Variants in DDX5 observed in about 807,000 individuals in gnomAD.
DDX5 encodes probable ATP-dependent RNA helicase DDX5.
In DDX5, 6 loss-of-function variants were observed where a neutral mutation model predicts 68.6. That is an observed-to-expected ratio of 0.09 (90% CI 0.05 to 0.17). DDX5 has a LOEUF of 0.17. DDX5 is among the 10% of genes least tolerant of loss of function. DDX5 has a pLI of 1.00. For missense variants in DDX5, 499 were observed against 756.1 expected (o/e 0.66, Z 3.99); for synonymous variants, 350 against 247.0 (o/e 1.42, Z -3.91).
At chr17:64,503,402 G>A (rs2038346606) in intron 6 of DDX5, 28 bp downstream of exon 6, 3 of 1,613,946 alleles carry the variant, frequency 1.9e-6, no homozygotes, top group Non-Finnish European at 1.7e-6. Flanking sequence ...TAGCACCAAT[G>A]ACAAATAAAA....
chr17:64,506,278 A>C lies in DDX5; in HGVS notation c.-159T>G, dbSNP rs2038517326. ...AGCTGCACTACTAGAGACCGGTAGAAATGAATGAGGTGCCGGCCGCTTTCC... is the reference window on the plus strand; with the variant it reads ...AGCTGCACTACTAGAGACCGGTAGACATGAATGAGGTGCCGGCCGCTTTCC... On this transcript the variant is annotated 5_prime_UTR_variant, in exon 1 of 13. In the 5' UTR this introduces an upstream ATG that the reference lacks. Coordinates refer to ENST00000225792, the MANE Select transcript of DDX5 (RefSeq NM_004396.5). 1 of 1,534,026 alleles carries C rather than the reference A, an allele frequency of 6.5e-7. No individual in the cohort carries two copies. Among genetic ancestry groups the C allele is most frequent in the Non-Finnish European group, 8.8e-7 (1 of 1,140,296 alleles).
intron 6 of DDX5, 31 bp from the exon 7 acceptor site, chr17:64,503,379 T>C (rs1337746336): frequency 1.9e-6 from 3 of 1,613,880 alleles, no homozygotes; most frequent in African/African-American, 1.3e-5. Flanking sequence ...GTAACTACAA[T>C]ACCTAGGATA....
chr17:64,506,574 G>A (rs2038538258), upstream of DDX5: 9 of 336,548 alleles, frequency 2.7e-5, no homozygotes, highest in East Asian at 5.7e-5. Context: ...GCCCAGCCCC[G>A]CCCACCCTCG....
rs534646011 is a variant in DDX5, at chr17:64,498,511, G to A, written c.*1412C>T. 6.6e-6 allele frequency among the ~76,000 whole-genome samples: 1 copy of A among 152,154 alleles called. No homozygotes were observed. Among genetic ancestry groups the A allele is most frequent in the Non-Finnish European group, 1.5e-5 (1 of 68,026 alleles). ...TAAAACCATGAATTTGACTAACCAT[G>A]CCATTGAAAACCATCCAGGTTACTA... On this transcript the variant is annotated 3_prime_UTR_variant, in exon 13 of 13. Coordinates refer to ENST00000225792, the MANE Select transcript of DDX5 (RefSeq NM_004396.5).
At chr17:64,505,852 TC>T in intron 1 of DDX5, 1 of 1,535,790 alleles carries the variant, frequency 6.5e-7, no homozygotes, top group Middle Eastern at 1.7e-4. Context: ...CCCCGACAGC[TC>T]CCCAATCCCC....
Position 64,500,679 on chromosome 17 carries a change from T to A in DDX5, c.1311A>T (p.Lys437Asn). ...TAAAGAAAGTGTATGCTGTGCCTGT[T>A]TTGGTACTGCGAGCAGTTCTTCCAA... ...HRIGRTARST[K>N]TGTAYTFFTP... is the part of the protein sequence containing the mutation. Residue 437 changes from lysine (K) to asparagine (N), a missense_variant, in exon 12 of 13, where the codon AAA becomes AAT. Lys to Asn is a moderately conservative substitution (Grantham distance 94). This residue lies in a region of DDX5 where 26 missense variants were observed against 128.2 expected (regional missense o/e 0.20). Coordinates refer to ENST00000225792, the MANE Select transcript of DDX5 (RefSeq NM_004396.5). The A allele has an allele frequency of 6.2e-7, 1 of 1,614,204 alleles. No individual in the cohort carries two copies. The highest frequency in any genetic ancestry group is 8.5e-7 in the Non-Finnish European group (1 of 1,180,008).
At chr17:64,505,218 C>T (rs935704043) in intron 1 of DDX5, 19 of 255,538 alleles carry the variant, frequency 7.4e-5, no homozygotes, top group Middle Eastern at 1.3e-3. Context: ...GCTACATGAA[C>T]CGAAGAGCAT....
At chr17:64,506,696 G>A (rs117604948), upstream of DDX5, 15,163 of 389,156 alleles carry the variant, frequency 0.039, 488 homozygotes, top group Admixed American at 0.13. Flanking sequence ...CACCGAGAGA[G>A]CGGTCCGCAC....
chr17:64,499,384 C>T lies in DDX5; in HGVS notation c.*539G>A, dbSNP rs2038237141. 6.6e-6 allele frequency among the ~76,000 whole-genome samples: 1 copy of T among 152,078 alleles called. No homozygotes were observed. The highest frequency in any genetic ancestry group is 2.4e-5 in the African/African-American group (1 of 41,412). On this transcript the variant is annotated 3_prime_UTR_variant, in exon 13 of 13. Coordinates refer to ENST00000225792, the MANE Select transcript of DDX5 (RefSeq NM_004396.5). The stretch of plus-strand genomic sequence containing the variant: ...GCTGGAAGCTGACAAAGCTTTTATG[C>T]AATTTAGCCTGTAACTAAAAATTCA...
intron 1 of DDX5, chr17:64,505,801 GCTCC>G (rs1342663374): frequency 7.8e-6 from 12 of 1,536,090 alleles, no homozygotes; most frequent in African/African-American, 5.5e-5. Context: ...CGCACAATAC[GCTCC>G]CTCTCAACTC....
intron 8 of DDX5, 57 bp from the exon 9 acceptor site, chr17:64,502,606 C>T: frequency 7.9e-7 from 1 of 1,264,288 alleles, no homozygotes; most frequent in South Asian, 1.2e-5. Context: ...ATTGCTAGGG[C>T]CACACATTTA....
chr17:64,503,647 C>A (rs868957670), intron 5 of DDX5, 76 bp from the exon 6 acceptor site: 2 of 1,581,078 alleles, frequency 1.3e-6, no homozygotes, highest in Non-Finnish European at 1.7e-6. Context: ...ACTAGCAGAT[C>A]CTTTCTTCAT....
rs528288003 is a variant in DDX5, at chr17:64,498,813, C to T, written c.*1110G>A. On this transcript the variant is annotated 3_prime_UTR_variant, in exon 13 of 13. Coordinates refer to ENST00000225792, the MANE Select transcript of DDX5 (RefSeq NM_004396.5). ...AGCCGAAGTTAAACCTAAAGCTATC[C>T]CCTGGATCTTTCTAGCAATAAACCC... 1.4e-4 allele frequency among the ~76,000 whole-genome samples: 21 copies of T among 152,278 alleles called. No homozygotes were observed. The highest frequency in any genetic ancestry group is 7.7e-4 in the East Asian group (4 of 5,188).
chr17:64,506,521 T>C, upstream of DDX5: 1 of 703,420 alleles, frequency 1.4e-6, no homozygotes, highest in Non-Finnish European at 2.1e-6. Flanking sequence ...CACCTTCTTC[T>C]GGTCTTTCCA....
intron 12 of DDX5, 25 bp from the exon 13 acceptor site, chr17:64,500,351 G>C: frequency 6.3e-7 from 1 of 1,585,752 alleles, no homozygotes; most frequent in South Asian, 1.1e-5. Context: ...ATTGCAAATT[G>C]ATCAATTATG....
chr17:64,503,408 TAA>T lies in DDX5; in HGVS notation c.649+20_649+21del, dbSNP rs1199508357. 6.8e-6 allele frequency: 11 copies of T among 1,613,738 alleles called. No homozygotes were observed. The African/African-American group carries it at 1.1e-4, about 16-fold the overall frequency. On this transcript the variant is annotated intron_variant, in intron 6 of 12. Coordinates refer to ENST00000225792, the MANE Select transcript of DDX5 (RefSeq NM_004396.5). ...TAGGATATTTAGCACCAATGACAAATAAAACCCTTTTCATTACATACCTCTCT... is the reference window on the plus strand; with the variant it reads ...TAGGATATTTAGCACCAATGACAAATAACCCTTTTCATTACATACCTCTCT...
upstream of DDX5, chr17:64,506,855 C>T: frequency 4.9e-6 from 3 of 615,288 alleles, no homozygotes; most frequent in South Asian, 1.9e-5. Context: ...TTTTGGTCGG[C>T]GGAGAATGGT....
intron 11 of DDX5, 25 bp from the exon 12 acceptor site, chr17:64,500,798 A>AATAGCACAAC: frequency 6.4e-7 from 1 of 1,566,458 alleles, no homozygotes; most frequent in South Asian, 1.1e-5. Context: ...AGTGTGGCAA[A>AATAGCACAAC]ATAGCAATGT....
Position 64,505,501 on chromosome 17 carries a change from C to G in DDX5, c.44+575G>C, listed in dbSNP as rs185090348. ...CGGCGTTCCCGCTGGGGCGGCGCTT[C>G]CCCCTTTGTCTCGCATTTCTCTCTG... On this transcript the variant is annotated intron_variant, in intron 1 of 12. Coordinates refer to ENST00000225792, the MANE Select transcript of DDX5 (RefSeq NM_004396.5). 306 of 585,974 alleles carry G rather than the reference C, an allele frequency of 5.2e-4. 2 individuals are homozygous for G. In the African/African-American group the frequency reaches 5.4e-3, roughly 10 times the overall value. The allele number at this position is 585,974 out of a possible 1,614,324, so 36.3% of individuals were successfully genotyped here.
Sources: allele counts gnomAD v4.1 joint callset (sites outside exome capture counted in the v4.1 genomes callset), GRCh38; gene constraint gnomAD v4.1.1; regional missense constraint gnomAD v4.1.1; transcripts MANE v1.5; gene names NCBI Gene and HGNC (gene_info 2026-07-23, HGNC 2026-07-21).